Variants in ZNF610 observed in about 807,000 individuals in gnomAD.
ZNF610 encodes the protein zink finger protein.
ZNF610 carries 14 observed loss-of-function variants against 14.1 expected under a neutral mutation model. That is an observed-to-expected ratio of 0.99 (90% confidence interval 0.65 to 1.55). ZNF610 has a LOEUF of 1.55. Among genes scored for constraint, ZNF610 ranks in the 40% most tolerant of loss-of-function variants. The probability of loss-of-function intolerance (pLI) is 0.00; values close to 1 mark genes in which losing one functional copy is unlikely to be tolerated. For missense variants in ZNF610, 530 were observed against 558.0 expected (o/e 0.95, Z 0.51); for synonymous variants, 185 against 187.6 (o/e 0.99, Z 0.11).
Position 52,358,264 on chromosome 19 carries a change from A to G in ZNF610, c.319+3885A>G, listed in dbSNP as rs186054689. 7.2e-5 allele frequency among the ~76,000 whole-genome samples: 11 copies of G among 152,138 alleles called. No individual in the cohort carries two copies. The South Asian group carries it at 1.0e-3, about 14-fold the overall frequency. ...GGTGGCGCGATCTTGGCTCACTGCA[A>G]CCTCTGCCTCCCGGGTTCAAGCGAT... On this transcript the variant is annotated intron_variant, in intron 5 of 5. Coordinates refer to ENST00000403906, the MANE Select transcript of ZNF610 (RefSeq NM_001161425.2).
chr19:52,338,921 C>G (rs1301173615), intron 1 of ZNF610, among the ~76,000 whole-genome samples: 2 of 151,166 alleles, frequency 1.3e-5, no homozygotes, highest in East Asian at 3.9e-4. Context: ...TACGGAGGAC[C>G]CGCGCCGGCC....
chr19:52,342,654 C>T (rs192827979), intron 1 of ZNF610, among the ~76,000 whole-genome samples: 8 of 151,646 alleles, frequency 5.3e-5, no homozygotes, highest in East Asian at 3.9e-4. Context: ...TGAGTAGTCC[C>T]GAGCTGGGAC....
rs1359304024 is a variant in ZNF610, at chr19:52,347,742, C to T, written c.-222C>T. The stretch of plus-strand genomic sequence containing the variant: ...GTTGCCATGTTGTCCAAACTGGTCT[C>T]GAAATTCTGGAGTCAAGCAGTCTGC... On this transcript the variant is annotated 5_prime_UTR_variant, in exon 2 of 6. Transcript: ENST00000403906. The T allele has an allele frequency of 1.3e-5, 2 of 152,062 alleles. No individual in the cohort carries two copies. The highest frequency in any genetic ancestry group is 6.6e-5 in the Admixed American group (1 of 15,254). 9.4% of individuals were successfully genotyped at this position (152,062 alleles called of 1,614,324 possible).
At chr19:52,356,995 T>C (rs1443898029) in intron 5 of ZNF610, among the ~76,000 whole-genome samples, 1 of 152,166 alleles carries the variant, frequency 6.6e-6, no homozygotes, top group Non-Finnish European at 1.5e-5. Flanking sequence ...TCTGATGCTG[T>C]GTACCTGGAG....
At chr19:52,330,448 C>T in the ZNF610 span, 3 of 152,276 alleles carry the variant, frequency 2.0e-5, no homozygotes, top group South Asian at 6.2e-4. Context: ...GCGACCTCAC[C>T]TCCCCGAAGA....
intron 1 of ZNF610, among the ~76,000 whole-genome samples, chr19:52,339,989 T>C (rs1568644745): frequency 6.6e-6 from 1 of 152,302 alleles, no homozygotes; most frequent in East Asian, 1.9e-4. Flanking sequence ...GCATCTAAAC[T>C]GAGGGGCAGC....
chr19:52,362,520 C>T (rs776547534), intron 5 of ZNF610, among the ~76,000 whole-genome samples: 10 of 152,096 alleles, frequency 6.6e-5, no homozygotes, highest in Non-Finnish European at 1.5e-4. Context: ...TCCCAAGTGC[C>T]GGGATTATAG....
upstream of ZNF610, among the ~76,000 whole-genome samples, chr19:52,332,198 G>GAA (rs983425035): frequency 1.3e-5 from 2 of 150,436 alleles, no homozygotes; most frequent in Non-Finnish European, 3.0e-5. The surrounding 1 kb of genome is among the most constrained non-coding windows in gnomAD (Gnocchi z 4.1). Context: ...TTTGTCTATT[G>GAA]AAGAAACATT....
At chr19:52,361,757 A>C (rs11666043) in intron 5 of ZNF610, among the ~76,000 whole-genome samples, 26,613 of 151,946 alleles carry the variant, frequency 0.18, 2,630 homozygotes, top group East Asian at 0.26. Flanking sequence ...ACTATGCCCA[A>C]CTGTCAATTT....
intron 5 of ZNF610, among the ~76,000 whole-genome samples, chr19:52,360,019 G>C (rs1985705208): frequency 6.6e-6 from 1 of 152,198 alleles, no homozygotes; most frequent in African/African-American, 2.4e-5. Context: ...AAGGGGTGTG[G>C]AGCTTCTCTG....
Position 52,343,671 on chromosome 19 carries a change from G to A in ZNF610, c.-257-4036G>A, listed in dbSNP as rs17779902. On this transcript the variant is annotated intron_variant, in intron 1 of 5. Transcript: ENST00000403906. ...TACAAGCAGTTTCTTGGGAGAAATG[G>A]CATCCAGCCCAGTGGAGACCCGCAA... 9.2e-4 allele frequency among the ~76,000 whole-genome samples: 140 copies of A among 152,288 alleles called. 3 individuals are homozygous for A. In the East Asian group the frequency reaches 0.027, roughly 29 times the overall value.
At chr19:52,365,618 G>A in intron 5 of ZNF610, 80 bp from the exon 6 acceptor site, 1 of 1,275,338 alleles carries the variant, frequency 7.8e-7, no homozygotes, top group Non-Finnish European at 1.1e-6. Flanking sequence ...TGAGTTGGGT[G>A]AGGCTGATTC....
intron 5 of ZNF610, among the ~76,000 whole-genome samples, chr19:52,362,222 C>T (rs1212060886): frequency 6.6e-6 from 1 of 152,224 alleles, no homozygotes; most frequent in Non-Finnish European, 1.5e-5. Context: ...ACCAGTCTGA[C>T]CAACATGGTA....
chr19:52,348,225 T>C (rs956538194), intron 2 of ZNF610: 2 of 152,238 alleles, frequency 1.3e-5, no homozygotes, highest in African/African-American at 4.8e-5. Context: ...TACTAAGCAG[T>C]GCATGACTGT....
chr19:52,348,382 T>G (rs1159315416), intron 2 of ZNF610, among the ~76,000 whole-genome samples: 1 of 152,234 alleles, frequency 6.6e-6, no homozygotes. Context: ...TTTTCATTGT[T>G]TGTTACTTTT....
intron 2 of ZNF610, 168 bp downstream of exon 2, chr19:52,348,112 T>C (rs1985052530): frequency 6.6e-6 from 1 of 152,234 alleles, no homozygotes; most frequent in East Asian, 1.9e-4. Context: ...CAATAGGCTA[T>C]ACCATATACC....
chr19:52,349,277 C>T, intron 3 of ZNF610, 42 bp downstream of exon 3: 1 of 1,588,328 alleles, frequency 6.3e-7, no homozygotes, highest in South Asian at 1.1e-5. Flanking sequence ...CTGTTTCTTT[C>T]TGAAATGCCT....
rs955451658 is a variant in ZNF610, at chr19:52,341,400, C to T, written c.-258+4894C>T. Among the ~76,000 whole-genome samples the T allele has an allele frequency of 2.0e-5, 3 of 152,102 alleles. No individual in the cohort carries two copies. In the East Asian group the frequency reaches 5.8e-4, roughly 30 times the overall value. ...TCTCGGCTCACTGCAACCTCTGCCT[C>T]CCGGATTCAAGCGATTCTTCTGCCT... On this transcript the variant is annotated intron_variant, in intron 1 of 5. Coordinates refer to ENST00000403906, the MANE Select transcript of ZNF610 (RefSeq NM_001161425.2).
chr19:52,350,975 T>C (rs1985222302), intron 3 of ZNF610, among the ~76,000 whole-genome samples: 1 of 151,440 alleles, frequency 6.6e-6, no homozygotes. Context: ...ACTTCAGCCT[T>C]GGAAACAAGA....
Sources: allele counts gnomAD v4.1 joint callset (sites outside exome capture counted in the v4.1 genomes callset), GRCh38; gene constraint gnomAD v4.1.1; non-coding constraint Gnocchi (gnomAD v3.1); transcripts MANE v1.5; gene names NCBI Gene and HGNC (gene_info 2026-07-23, HGNC 2026-07-21).